Variants in DPP10 observed in about 807,000 individuals in gnomAD.
DPP10 encodes the protein dipeptidyl peptidase like 10.
DPP10 carries 33 observed loss-of-function variants against 120.9 expected under a neutral mutation model. The ratio of observed to expected loss-of-function variants is 0.27; its 90% CI spans 0.21 to 0.37. The LOEUF is 0.37. Among genes scored for constraint, DPP10 ranks in the 10% least tolerant of loss-of-function variants. The pLI, the probability that DPP10 is intolerant of heterozygous loss-of-function variation, is 1.00. For synonymous variants in DPP10, 337 were observed against 326.1 expected (o/e 1.03, Z -0.36); for missense variants, 816 against 942.8 (o/e 0.87, Z 1.76).
intron 2 of DPP10, among the ~76,000 whole-genome samples, chr2:115,312,003 G>T (rs142899944): frequency 1.2e-3 from 185 of 152,104 alleles, no homozygotes; most frequent in African/African-American, 4.2e-3. Context: ...CAGTTCTCTT[G>T]CCTAGGCCTC....
At chr2:115,533,143 A>G (rs1483611765) in intron 5 of DPP10, among the ~76,000 whole-genome samples, 1 of 152,064 alleles carries the variant, frequency 6.6e-6, no homozygotes, top group African/African-American at 2.4e-5. Context: ...TTCTTAATAC[A>G]TCTTATGTTT....
At chr2:114,932,394 T>C (rs1476230542) in intron 1 of DPP10, among the ~76,000 whole-genome samples, 3 of 152,218 alleles carry the variant, frequency 2.0e-5, no homozygotes, top group Non-Finnish European at 4.4e-5. Context: ...TCATGGCCCA[T>C]GGCTGAAATA....
At chr2:115,762,232 A>G (rs781075696) in intron 11 of DPP10, among the ~76,000 whole-genome samples, 22 of 152,198 alleles carry the variant, frequency 1.4e-4, no homozygotes, top group South Asian at 2.1e-4. Flanking sequence ...TTGTCTCCCA[A>G]TGATGCCTAG....
intron 5 of DPP10, among the ~76,000 whole-genome samples, chr2:115,664,455 A>C (rs2089276460): frequency 1.3e-5 from 2 of 152,100 alleles, no homozygotes; most frequent in Non-Finnish European, 1.5e-5. Flanking sequence ...TAATATTTAG[A>C]AACTATAATT....
chr2:115,366,321 G>T (rs1302468313), intron 3 of DPP10, among the ~76,000 whole-genome samples: 1 of 151,800 alleles, frequency 6.6e-6, no homozygotes, highest in African/African-American at 2.4e-5. Context: ...CTTGTGTATA[G>T]GAACAATTCT....
chr2:114,895,841 CT>C (rs1304842309), intron 1 of DPP10, among the ~76,000 whole-genome samples: 2 of 152,100 alleles, frequency 1.3e-5, no homozygotes, highest in African/African-American at 4.8e-5. Flanking sequence ...TCTGAATTTT[CT>C]TTTCTTTGCT....
intron 1 of DPP10, among the ~76,000 whole-genome samples, chr2:114,808,903 C>T (rs1270601414): frequency 1.3e-5 from 2 of 152,134 alleles, no homozygotes; most frequent in Non-Finnish European, 2.9e-5. Flanking sequence ...TTCATCAGAT[C>T]ACATAAGCAC....
intron 3 of DPP10, chr2:115,440,868 A>G (rs1216403413): frequency 2.0e-5 from 3 of 152,200 alleles, no homozygotes; most frequent in Admixed American, 6.5e-5. Context: ...TGGGAACTTC[A>G]TACATTGTTG....
chr2:114,768,755 A>G lies in DPP10; in HGVS notation c.60+325917A>G, dbSNP rs2106139322. On this transcript the variant is annotated intron_variant, in intron 1 of 25. Coordinates refer to ENST00000410059, the MANE Select transcript of DPP10 (RefSeq NM_020868.6). ...GGGTCAAATTACAGAACACAGGATAATGCAAGTGTTCCCAGGATCTGTCTT... is the reference window on the plus strand; with the variant it reads ...GGGTCAAATTACAGAACACAGGATAGTGCAAGTGTTCCCAGGATCTGTCTT... Among the ~76,000 whole-genome samples the G allele has an allele frequency of 3.3e-5, 5 of 152,318 alleles. No individual in the cohort carries two copies. In the South Asian group the frequency reaches 1.0e-3, roughly 32 times the overall value.
chr2:115,827,797 G>A (rs1293305645), intron 21 of DPP10, among the ~76,000 whole-genome samples: 6 of 151,630 alleles, frequency 4.0e-5, no homozygotes, highest in South Asian at 2.1e-4. Flanking sequence ...GGGTTTCACC[G>A]TTATGGCCAG....
chr2:114,531,618 A>G (rs1685994265), intron 1 of DPP10, among the ~76,000 whole-genome samples: 1 of 138,160 alleles, frequency 7.2e-6, no homozygotes, highest in Non-Finnish European at 1.7e-5. Context: ...ATATATACCT[A>G]TACACACATA....
chr2:115,189,733 A>G (rs2054728628), intron 1 of DPP10, among the ~76,000 whole-genome samples: 1 of 152,186 alleles, frequency 6.6e-6, no homozygotes, highest in Non-Finnish European at 1.5e-5. Context: ...AGGACGTTTT[A>G]GTAAGTGCTG....
chr2:114,770,904 T>A (rs1045743267), intron 1 of DPP10, among the ~76,000 whole-genome samples: 1 of 152,106 alleles, frequency 6.6e-6, no homozygotes, highest in Non-Finnish European at 1.5e-5. Flanking sequence ...CTCCTTGATA[T>A]CCTTCAGCAA....
intron 3 of DPP10, among the ~76,000 whole-genome samples, chr2:115,380,420 T>C (rs562289419): frequency 1.3e-5 from 2 of 152,304 alleles, no homozygotes; most frequent in African/African-American, 2.4e-5. Flanking sequence ...TCTTCTTCCA[T>C]CCTTTGGTTT....
chr2:115,431,526 C>T (rs2070982534), intron 3 of DPP10, among the ~76,000 whole-genome samples: 1 of 151,984 alleles, frequency 6.6e-6, no homozygotes, highest in Middle Eastern at 3.2e-3. Context: ...CAGCATTCTG[C>T]CTAAAGCCAA....
At chr2:115,479,758 A>G (rs1242644973) in intron 3 of DPP10, among the ~76,000 whole-genome samples, 2 of 151,992 alleles carry the variant, frequency 1.3e-5, no homozygotes, top group African/African-American at 4.8e-5. Context: ...GAAAGTCATC[A>G]CTCCATATTT....
chr2:114,682,762 A>G (rs111875857), intron 1 of DPP10, among the ~76,000 whole-genome samples: 8,452 of 144,862 alleles, frequency 0.058, 349 homozygotes, highest in African/African-American at 0.13. Context: ...CTATCTATCT[A>G]TCTGTCTGTC....
At chr2:114,806,534 T>A (rs1265003771) in intron 1 of DPP10, among the ~76,000 whole-genome samples, 1 of 152,230 alleles carries the variant, frequency 6.6e-6, no homozygotes, top group Non-Finnish European at 1.5e-5. Context: ...TGCTTTTTTG[T>A]CGTAATACCT....
intron 1 of DPP10, among the ~76,000 whole-genome samples, chr2:114,601,570 TA>T (rs1237287324): frequency 6.6e-6 from 1 of 151,916 alleles, no homozygotes; most frequent in Non-Finnish European, 1.5e-5. Context: ...AATGATAGTA[TA>T]AGCAGTACAT....
Sources: allele counts gnomAD v4.1 joint callset (sites outside exome capture counted in the v4.1 genomes callset), GRCh38; gene constraint gnomAD v4.1.1; transcripts MANE v1.5; gene names NCBI Gene and HGNC (gene_info 2026-07-23, HGNC 2026-07-21).